CHRM5: variants seen among roughly 807,000 people sequenced by gnomAD.
CHRM5 encodes the protein muscarinic acetylcholine receptor M5.
Under a neutral mutation model 39.0 loss-of-function variants are expected in CHRM5, and 18 were observed. The ratio of observed to expected loss-of-function variants is 0.46; its 90% CI spans 0.32 to 0.68. The LOEUF (loss-of-function observed/expected upper bound fraction) is 0.68, where lower values mean the gene tolerates loss of function less well. Ranked by LOEUF, CHRM5 falls within the 30% of genes least tolerant of loss-of-function variation. CHRM5 has a pLI of 0.04. For missense variants in CHRM5, 515 were observed against 651.1 expected, an observed-to-expected ratio of 0.79 and a Z score of 2.28; for synonymous variants, 241 against 246.3, an observed-to-expected ratio of 0.98 and a Z score of 0.20.
Position 34,046,649 on chromosome 15 carries a change from A to C in CHRM5, c.-298A>C, listed in dbSNP as rs760745275. 1.3e-5 allele frequency: 2 copies of C among 152,294 alleles called. No individual in the cohort carries two copies. The highest frequency in any genetic ancestry group is 6.5e-5 in the Admixed American group (1 of 15,288). The allele number at this position is 152,294 out of a possible 1,614,324, so 9.4% of individuals were successfully genotyped here. On this transcript the variant is annotated 5_prime_UTR_variant, in exon 2 of 3. Coordinates refer to ENST00000383263, the MANE Select transcript of CHRM5 (RefSeq NM_012125.4). ...AAATGTGCAATTGTGAAATATGGCC[A>C]AGATGGCGGATTAGAAGCAGCGGCA... is the stretch of plus-strand genomic sequence containing the variant.
At chr15:33,991,552 T>G (rs184880457) in intron 1 of CHRM5, 16 of 151,148 alleles carry the variant, frequency 1.1e-4, no homozygotes, top group Non-Finnish European at 1.6e-4. Context: ...ATGAAATGTC[T>G]AGATTGAATG....
intron 1 of CHRM5, among the ~76,000 whole-genome samples, chr15:34,038,482 A>G (rs370913068): frequency 3.3e-5 from 5 of 152,052 alleles, no homozygotes; most frequent in African/African-American, 1.2e-4. Context: ...CAGCCCTGAC[A>G]CACGGCCTTG....
In CHRM5 at chr15:34,004,043, T is replaced by A. The variant is rs561661183; in HGVS notation, c.-408+34893T>A. ...GGTACTCTCTTAGCACTCTCCAGGC[T>A]CAATTTCTACAACTTGCCTGTGTGA... On this transcript the variant is annotated intron_variant, in intron 1 of 2. Transcript: ENST00000383263. Among the ~76,000 whole-genome samples the A allele has an allele frequency of 4.0e-4, 61 of 152,316 alleles. No homozygotes were observed. In the South Asian group the frequency reaches 0.012, roughly 31 times the overall value.
intron 1 of CHRM5, among the ~76,000 whole-genome samples, chr15:33,981,552 A>G (rs1229516677): frequency 6.6e-6 from 1 of 152,158 alleles, no homozygotes; most frequent in Non-Finnish European, 1.5e-5. Context: ...CATTTTCTAT[A>G]CAATACACCA....
At chr15:34,040,144 C>CT (rs1899405901) in intron 1 of CHRM5, among the ~76,000 whole-genome samples, 5 of 152,134 alleles carry the variant, frequency 3.3e-5, no homozygotes, top group Non-Finnish European at 4.4e-5. Context: ...AGGCACAGTG[C>CT]TATGTCCTGA....
intron 1 of CHRM5, among the ~76,000 whole-genome samples, chr15:34,026,184 A>AT (rs989807922): frequency 1.7e-3 from 257 of 149,774 alleles, no homozygotes; most frequent in African/African-American, 5.4e-3. Flanking sequence ...ACATATTGTC[A>AT]TTTTTTTTTT....
At chr15:33,999,622 C>T (rs1185620107) in intron 1 of CHRM5, among the ~76,000 whole-genome samples, 3 of 152,162 alleles carry the variant, frequency 2.0e-5, no homozygotes, top group Non-Finnish European at 2.9e-5. Flanking sequence ...TTTGCAAGTG[C>T]TCTCTGCTCT....
chr15:34,032,534 C>T (rs981674501), intron 1 of CHRM5, among the ~76,000 whole-genome samples: 5 of 152,100 alleles, frequency 3.3e-5, no homozygotes, highest in African/African-American at 1.2e-4. Context: ...AACAAAAAAG[C>T]TCTGAATGAA....
chr15:34,061,907 A>T (rs1900345721), intron 2 of CHRM5, among the ~76,000 whole-genome samples: 1 of 152,222 alleles, frequency 6.6e-6, no homozygotes. Flanking sequence ...TATAGAATAG[A>T]TACCACTTTT....
At chr15:33,988,749 G>A (rs1896590464) in intron 1 of CHRM5, among the ~76,000 whole-genome samples, 1 of 152,202 alleles carries the variant, frequency 6.6e-6, no homozygotes, top group Non-Finnish European at 1.5e-5. Flanking sequence ...CAGAATTACA[G>A]GGTTGAAAAA....
chr15:34,049,367 C>T (rs575031489), intron 2 of CHRM5, among the ~76,000 whole-genome samples: 4 of 152,280 alleles, frequency 2.6e-5, no homozygotes, highest in African/African-American at 9.6e-5. Context: ...CATAACAGAC[C>T]TAATGGTGCT....
In CHRM5 at chr15:34,049,787, G is replaced by A. The variant is rs137983315; in HGVS notation, c.-76+2916G>A. On this transcript the variant is annotated intron_variant, in intron 2 of 2. Coordinates refer to ENST00000383263, the MANE Select transcript of CHRM5 (RefSeq NM_012125.4). ...AAATATTAAGGGCAGCCAGAGAGAA[G>A]GGCCAGTTCACCTACAAAAGGAAGC... Among the ~76,000 whole-genome samples the A allele has an allele frequency of 2.0e-5, 3 of 151,758 alleles. No homozygotes were observed. The East Asian group carries it at 5.8e-4, about 29-fold the overall frequency.
rs1452302167 is a variant in CHRM5 at position 34,038,899 on chromosome 15, G to T, written c.-407-7641G>T. 1.1e-5 allele frequency: 12 copies of T among 1,122,304 alleles called. No individual in the cohort carries two copies. The South Asian group carries it at 4.2e-4, about 39-fold the overall frequency. 69.5% of individuals were successfully genotyped at this position (1,122,304 alleles called of 1,614,324 possible). On this transcript the variant is annotated intron_variant, in intron 1 of 2. Transcript: ENST00000383263. ...CCCCGGCCACGGCCACGGCCCCGGC[G>T]TCCGCCTCCGTCCCCGCCGCCGCCT...
intron 1 of CHRM5, among the ~76,000 whole-genome samples, chr15:33,999,615 G>C (rs540211246): frequency 6.9e-4 from 105 of 152,072 alleles, no homozygotes; most frequent in Non-Finnish European, 9.1e-4. Context: ...CCCAGCATTT[G>C]CAAGTGCTCT....
chr15:33,997,391 A>C (rs1223191724), intron 1 of CHRM5, among the ~76,000 whole-genome samples: 1 of 152,222 alleles, frequency 6.6e-6, no homozygotes, highest in Non-Finnish European at 1.5e-5. Flanking sequence ...AGCAAGCACC[A>C]CAAATACAAA....
intron 1 of CHRM5, among the ~76,000 whole-genome samples, chr15:34,016,210 G>T (rs543914754): frequency 6.6e-6 from 1 of 152,126 alleles, no homozygotes; most frequent in East Asian, 1.9e-4. Flanking sequence ...CTCCAGCCTG[G>T]GCAACAAGAG....
chr15:34,024,623 C>T (rs557060657), intron 1 of CHRM5, among the ~76,000 whole-genome samples: 376 of 151,340 alleles, frequency 2.5e-3, no homozygotes, highest in Non-Finnish European at 3.8e-3. Flanking sequence ...GAGGCCGAGG[C>T]GGGCGGATCA....
chr15:34,063,982 C>G lies in CHRM5; in HGVS notation c.1265C>G (p.Pro422Arg), dbSNP rs1346655192. 8.7e-6 allele frequency: 14 copies of G among 1,614,060 alleles called. No homozygotes were observed. Among genetic ancestry groups the G allele is most frequent in the Non-Finnish European group, 1.2e-5 (14 of 1,180,032 alleles). The change falls in exon 3 of 3, where the codon CCC (proline) becomes CGC (arginine). Residue 422 changes from proline (P) to arginine (R), a missense_variant. Physicochemically the swap from Pro to Arg is moderately radical, Grantham distance 103. Transcript: ENST00000383263. This position sits in a 1 kb window ranked among gnomAD's most constrained non-coding sequence, Gnocchi z 4.1. Reference protein sequence around the residue: ...EPSTKGLNPNPSHQMTKRKRV... With the variant: ...EPSTKGLNPNRSHQMTKRKRV... ...TCAACGAAAGGCCTCAATCCCAACCCCAGCCATCAAATGACCAAACGAAAG... is the reference window on the plus strand; with the variant it reads ...TCAACGAAAGGCCTCAATCCCAACCGCAGCCATCAAATGACCAAACGAAAG...
chr15:33,995,155 T>A (rs1472501264), intron 1 of CHRM5, among the ~76,000 whole-genome samples: 2 of 152,002 alleles, frequency 1.3e-5, no homozygotes, highest in African/African-American at 2.4e-5. Flanking sequence ...TCCCACCTAC[T>A]CAGGAGGCTG....
Sources: allele counts gnomAD v4.1 joint callset (sites outside exome capture counted in the v4.1 genomes callset), GRCh38; gene constraint gnomAD v4.1.1; non-coding constraint Gnocchi (gnomAD v3.1); transcripts MANE v1.5; gene names NCBI Gene and HGNC (gene_info 2026-07-23, HGNC 2026-07-21).